The following ANKRD36 variants were observed in gnomAD, a reference collection of about 807,000 sequenced individuals.
The protein encoded by ANKRD36 is ankyrin repeat domain-containing protein 36A.
In ANKRD36, 179 loss-of-function variants were observed where a neutral mutation model predicts 278.1. The ratio of observed to expected loss-of-function variants is 0.64; its 90% confidence interval spans 0.57 to 0.73. The LOEUF (loss-of-function observed/expected upper bound fraction) is 0.73, where lower values mean the gene tolerates loss of function less well. Ranked by LOEUF, ANKRD36 falls within the 30% of genes least tolerant of loss-of-function variation. ANKRD36 has a pLI of 0.00. For synonymous variants in ANKRD36, 320 were observed against 641.1 expected (o/e 0.50, Z 7.57); for missense variants, 1,159 against 1,956.7 (o/e 0.59, Z 7.69).
intron 58 of ANKRD36, among the ~76,000 whole-genome samples, chr2:97,212,172 A>T (rs1320733774): frequency 3.9e-5 from 6 of 151,916 alleles, no homozygotes; most frequent in Non-Finnish European, 7.4e-5. Flanking sequence ...AAGAGCAGTG[A>T]TGTAGCAATT....
chr2:97,142,110 T>C (rs1001841720), intron 6 of ANKRD36, among the ~76,000 whole-genome samples: 2 of 152,290 alleles, frequency 1.3e-5, no homozygotes, highest in Non-Finnish European at 2.9e-5. Flanking sequence ...ATATCCAAGC[T>C]GATCAATTTA....
intron 75 of ANKRD36, among the ~76,000 whole-genome samples, chr2:97,262,814 C>T (rs1319223213): frequency 7.4e-6 from 1 of 135,232 alleles, no homozygotes; most frequent in Non-Finnish European, 1.5e-5. Flanking sequence ...GTGTCATACC[C>T]GTTGTCTCTT....
chr2:97,226,959 G>A (rs2069935320), intron 67 of ANKRD36, among the ~76,000 whole-genome samples: 1 of 152,010 alleles, frequency 6.6e-6, no homozygotes, highest in African/African-American at 2.4e-5. Flanking sequence ...TATTTCTGAT[G>A]GCTCTGTTCT....
chr2:97,129,940 A>T (rs1176930840), intron 6 of ANKRD36, among the ~76,000 whole-genome samples: 1 of 151,998 alleles, frequency 6.6e-6, no homozygotes, highest in Non-Finnish European at 1.5e-5. Context: ...CTTAGGATTG[A>T]CTTGGCAATG....
chr2:97,127,617 G>A (rs1428198965), intron 6 of ANKRD36, among the ~76,000 whole-genome samples: 2 of 151,814 alleles, frequency 1.3e-5, no homozygotes, highest in Non-Finnish European at 2.9e-5. Context: ...ATTATATATT[G>A]TATTCTGAGT....
At chr2:97,217,887 A>G (rs2153642004) in intron 64 of ANKRD36, among the ~76,000 whole-genome samples, 1 of 151,558 alleles carries the variant, frequency 6.6e-6, no homozygotes, top group East Asian at 2.0e-4. Context: ...TTATTTAGGT[A>G]ATTTTGGGGT....
At chr2:97,175,021 G>A (rs1337603301) in intron 22 of ANKRD36, among the ~76,000 whole-genome samples, 3 of 144,294 alleles carry the variant, frequency 2.1e-5, no homozygotes, top group Non-Finnish European at 3.1e-5. Flanking sequence ...TGCTGGATTC[G>A]TTTTGCCAGT....
At position 97,260,388 on chromosome 2, in the gene ANKRD36, A is replaced by ACG. The variant is rs1424398282; in HGVS notation, c.*7-3941_*7-3940insCG. 3.9e-3 allele frequency among the ~76,000 whole-genome samples: 518 copies of ACG among 133,106 alleles called. 10 individuals carry two copies. The highest frequency in any genetic ancestry group is 0.014 in the African/African-American group (491 of 35,422). 87.3% of individuals were successfully genotyped at this position (133,106 alleles called of 152,430 possible). A position where few individuals can be genotyped will look rare whatever the true frequency, so the allele number is the denominator to read the frequency against. On this transcript the variant is annotated intron_variant, in intron 75 of 75. Coordinates refer to ENST00000420699, the MANE Select transcript of ANKRD36 (RefSeq NM_001354587.1). ...TATATATATATATATATACACACAT[A>ACG]TATACATACACACACATACACATAT...
chr2:97,211,793 T>G (rs2064715436), intron 58 of ANKRD36, 52 bp downstream of exon 58: 6 of 1,518,390 alleles, frequency 4.0e-6, no homozygotes, highest in Non-Finnish European at 5.3e-6. Context: ...AGAAGAGAAC[T>G]TCTCTTCACC....
In ANKRD36 at chr2:97,228,852, G is replaced by A. The variant is rs1576400169; in HGVS notation, c.3951+3973G>A. 2.0e-5 allele frequency among the ~76,000 whole-genome samples: 3 copies of A among 151,918 alleles called. No individual in the cohort carries two copies. In the South Asian group the frequency reaches 6.3e-4, roughly 32 times the overall value. On this transcript the variant is annotated intron_variant, in intron 67 of 75. Transcript: ENST00000420699. ...GTATGTTGTGTCTTTGTTCTCATTG[G>A]TTTCAAAGAACATCTTTATTTCTGC...
At chr2:97,195,309 T>C (rs1433326378) in intron 40 of ANKRD36, among the ~76,000 whole-genome samples, 4 of 151,934 alleles carry the variant, frequency 2.6e-5, no homozygotes, top group South Asian at 2.1e-4. Context: ...TAATAACCCA[T>C]AGACACTGTA....
At chr2:97,242,419 G>C (rs1461285936) in intron 69 of ANKRD36, among the ~76,000 whole-genome samples, 2 of 151,070 alleles carry the variant, frequency 1.3e-5, no homozygotes, top group African/African-American at 4.9e-5. Flanking sequence ...TCAGTTTTAT[G>C]CTGAAGACAT....
intron 17 of ANKRD36, among the ~76,000 whole-genome samples, chr2:97,160,267 T>G (rs1199148118): frequency 9.5e-4 from 138 of 145,492 alleles, no homozygotes; most frequent in African/African-American, 3.8e-3. Context: ...TCAACACTCA[T>G]GATTGTTTTC....
At chr2:97,121,268 G>A (rs1247627115) in intron 3 of ANKRD36, among the ~76,000 whole-genome samples, 3 of 151,960 alleles carry the variant, frequency 2.0e-5, no homozygotes, top group African/African-American at 7.2e-5. Flanking sequence ...GCTTTTTAAG[G>A]TGAATCATGG....
intron 52 of ANKRD36, among the ~76,000 whole-genome samples, chr2:97,206,840 T>C (rs1259254111): frequency 6.6e-6 from 1 of 151,540 alleles, no homozygotes; most frequent in East Asian, 1.9e-4. Flanking sequence ...ATTTTAGGTA[T>C]AGAAATCAGA....
chr2:97,178,168 T>A (rs1313313154), intron 22 of ANKRD36, among the ~76,000 whole-genome samples: 1 of 150,614 alleles, frequency 6.6e-6, no homozygotes, highest in African/African-American at 2.4e-5. Context: ...CATTAAAAAG[T>A]CAGGAAACAA....
intron 6 of ANKRD36, among the ~76,000 whole-genome samples, chr2:97,142,052 A>T (rs200600816): frequency 2.7e-5 from 4 of 147,712 alleles, no homozygotes; most frequent in African/African-American, 9.9e-5. Context: ...ATTACACCAC[A>T]TGGTTCTGAG....
At chr2:97,165,453 T>C (rs1162339137) in intron 20 of ANKRD36, among the ~76,000 whole-genome samples, 2 of 152,294 alleles carry the variant, frequency 1.3e-5, no homozygotes, top group Admixed American at 1.3e-4. Context: ...CTTTATTGAT[T>C]TGTACTATAA....
At chr2:97,176,508 T>C (rs955377533) in intron 22 of ANKRD36, among the ~76,000 whole-genome samples, 2 of 147,156 alleles carry the variant, frequency 1.4e-5, no homozygotes, top group Admixed American at 6.9e-5. Flanking sequence ...TTATTTTGAG[T>C]CTATGTGTGT....
Sources: gnomAD v4.1 joint callset for allele counts (sites outside exome capture counted in the v4.1 genomes callset) on GRCh38, gnomAD v4.1.1 for gene constraint, MANE v1.5 for transcripts, NCBI Gene and HGNC (gene_info 2026-07-23, HGNC 2026-07-21) for gene names.